The following SUGP1 variants were observed in gnomAD, a reference collection of about 807,000 sequenced individuals.
The protein encoded by SUGP1 is SURP and G-patch domain containing 1.
SUGP1 carries 34 observed loss-of-function variants against 76.5 expected under a neutral mutation model. The observed-to-expected ratio is 0.44, with a 90% confidence interval of 0.34 to 0.59. The LOEUF (loss-of-function observed/expected upper bound fraction) is 0.59, where lower values mean the gene tolerates loss of function less well. Ranked by LOEUF, SUGP1 falls within the 20% of genes least tolerant of loss-of-function variation. The pLI, the probability that SUGP1 is intolerant of heterozygous loss-of-function variation, is 0.01. For synonymous variants in SUGP1, 326 were observed against 326.2 expected, an observed-to-expected ratio of 1.00 and a Z score of 0.01; for missense variants, 752 against 851.7, an observed-to-expected ratio of 0.88 and a Z score of 1.46.
In SUGP1 at chr19:19,279,165, G is replaced by A. The variant is rs1172094393; in HGVS notation, c.1528+48C>T. The A allele has an allele frequency of 3.3e-6, 5 of 1,513,120 alleles. No homozygotes were observed. The East Asian group carries it at 7.1e-5, about 22-fold the overall frequency. 93.7% of individuals were successfully genotyped at this position (1,513,120 alleles called of 1,614,324 possible). Reference sequence around the variant, plus strand: ...CCAGGTAACCTTCCAGGGCAGGTGAGGGGGGCCATGCCCAGCCCAGCCCGG... The same window carrying A: ...CCAGGTAACCTTCCAGGGCAGGTGAAGGGGGCCATGCCCAGCCCAGCCCGG... On this transcript the variant is annotated intron_variant, in intron 10 of 13. Coordinates refer to ENST00000247001, the MANE Select transcript of SUGP1 (RefSeq NM_172231.4).
chr19:19,278,661 G>A, intron 11 of SUGP1, 29 bp downstream of exon 11: 1 of 1,583,250 alleles, frequency 6.3e-7, no homozygotes, highest in Non-Finnish European at 8.6e-7. Context: ...ATGTGGCAGA[G>A]GCTGGAGCTA....
intron 2 of SUGP1, among the ~76,000 whole-genome samples, chr19:19,312,962 C>G (rs1380774493): frequency 6.6e-6 from 1 of 151,364 alleles, no homozygotes; most frequent in East Asian, 1.9e-4. Flanking sequence ...TGCACTCCAG[C>G]CTGGGCAACA....
At position 19,308,568 on chromosome 19, in the gene SUGP1, G is replaced by A. The variant is rs534012612; in HGVS notation, c.310+1529C>T. 2.0e-4 allele frequency among the ~76,000 whole-genome samples: 30 copies of A among 152,356 alleles called. No individual in the cohort carries two copies. In the East Asian group the frequency reaches 5.2e-3, roughly 26 times the overall value. Reference sequence around the variant, plus strand: ...GTCATTGTTGGGTGCCCCCAGCTGCGTGCCCACCCGGCACCTCAGCCGCAG... The same window carrying A: ...GTCATTGTTGGGTGCCCCCAGCTGCATGCCCACCCGGCACCTCAGCCGCAG... On this transcript the variant is annotated intron_variant, in intron 3 of 13. Transcript: ENST00000247001.
At chr19:19,313,878 C>T (rs570324621) in intron 2 of SUGP1, among the ~76,000 whole-genome samples, 12 of 152,206 alleles carry the variant, frequency 7.9e-5, no homozygotes, top group Middle Eastern at 3.4e-3. Context: ...AGACTTATGC[C>T]TGTAATCCTA....
At chr19:19,280,483 G>C in intron 8 of SUGP1, 192 bp from the exon 9 acceptor site, 1 of 583,454 alleles carries the variant, frequency 1.7e-6, no homozygotes, top group South Asian at 2.0e-5. Flanking sequence ...GTGCACCCCC[G>C]CATCTTACGT....
At chr19:19,293,070 C>T (rs1057483916) in intron 8 of SUGP1, among the ~76,000 whole-genome samples, 5 of 151,850 alleles carry the variant, frequency 3.3e-5, no homozygotes, top group Non-Finnish European at 5.9e-5. Flanking sequence ...CCACACCCAG[C>T]TAATTTTTGA....
chr19:19,316,596 G>A lies in SUGP1; in HGVS notation c.35-3C>T, dbSNP rs1443306790. 2.9e-5 allele frequency: 46 copies of A among 1,613,632 alleles called. No homozygotes were observed. Among genetic ancestry groups the A allele is most frequent in the Non-Finnish European group, 3.4e-5 (40 of 1,179,812 alleles). On this transcript the variant is annotated splice_region_variant and splice_polypyrimidine_tract_variant and intron_variant, in intron 1 of 13. Coordinates refer to ENST00000247001, the MANE Select transcript of SUGP1 (RefSeq NM_172231.4). ...CCCAAACCACCGGTTAGCCTTTCCTGGGGAGGGAAAAGGAGTACGTCGGAA... is the reference window on the plus strand; with the variant it reads ...CCCAAACCACCGGTTAGCCTTTCCTAGGGAGGGAAAAGGAGTACGTCGGAA...
At chr19:19,276,707 G>A in intron 13 of SUGP1, 33 bp from the exon 14 acceptor site, 2 of 1,613,982 alleles carry the variant, frequency 1.2e-6, no homozygotes, top group East Asian at 2.2e-5. Context: ...CAGGAGGAGG[G>A]GATTAGCACT....
At chr19:19,313,479 G>A (rs988180516) in intron 2 of SUGP1, among the ~76,000 whole-genome samples, 2 of 152,184 alleles carry the variant, frequency 1.3e-5, no homozygotes, top group Non-Finnish European at 1.5e-5. Flanking sequence ...GGGAGGCCAA[G>A]GTAGGAGGAT....
intron 3 of SUGP1, among the ~76,000 whole-genome samples, chr19:19,307,986 A>C (rs1235619586): frequency 6.6e-6 from 1 of 152,068 alleles, no homozygotes; most frequent in Non-Finnish European, 1.5e-5. Flanking sequence ...TGATTAACAA[A>C]GATCAGAAGT....
intron 7 of SUGP1, 82 bp from the exon 8 acceptor site, chr19:19,297,426 T>TCTGGGCAGGAGCA: frequency 3.2e-4 from 372 of 1,170,012 alleles, no homozygotes; most frequent in Non-Finnish European, 4.0e-4. Context: ...GTTCTGGCCT[T>TCTGGGCAGGAGCA]GTGTGCCCAC....
intron 2 of SUGP1, 169 bp downstream of exon 2, chr19:19,316,253 T>C: frequency 1.2e-6 from 1 of 821,638 alleles, no homozygotes; most frequent in Non-Finnish European, 1.9e-6. Flanking sequence ...ATACCCCTCA[T>C]TTCTCTCTTG....
chr19:19,308,024 ATTCT>A (rs2061329179), intron 3 of SUGP1, among the ~76,000 whole-genome samples: 1 of 152,030 alleles, frequency 6.6e-6, no homozygotes, highest in South Asian at 2.1e-4. Context: ...ACATCTATGA[ATTCT>A]TTTTTGTTTT....
intron 8 of SUGP1, among the ~76,000 whole-genome samples, chr19:19,294,019 G>A (rs929619695): frequency 6.6e-6 from 1 of 150,630 alleles, no homozygotes; most frequent in African/African-American, 2.4e-5. Flanking sequence ...ACCTCATATC[G>A]ACACAAAAAA....
In SUGP1 at chr19:19,297,271, C is replaced by A; in HGVS notation, c.961G>T (p.Ala321Ser). ...QKLEEFRKAK[A>S]SSTGSFTAPD... ...GCTGTGAAGCTGCCTGTGGAGCTGG[C>A]CTTGGCTTTCCGGAACTCCTCCAGC... Residue 321 changes from alanine (A) to serine (S), a missense_variant, in exon 8 of 14, where the codon GCC (alanine) becomes TCC (serine). Ala to Ser is a moderately conservative substitution (Grantham distance 99, BLOSUM62 1). Around this residue, in one of 2 missense-constraint regions of SUGP1, gnomAD observed 620 missense variants for 617.3 expected, o/e 1.00. Coordinates refer to ENST00000247001, the MANE Select transcript of SUGP1 (RefSeq NM_172231.4). 3 of 1,561,520 alleles carry A rather than the reference C, an allele frequency of 1.9e-6. No individual in the cohort carries two copies. The highest frequency in any genetic ancestry group is 8.7e-7 in the Non-Finnish European group (1 of 1,149,234).
chr19:19,306,649 A>G (rs1286336264), intron 3 of SUGP1, among the ~76,000 whole-genome samples: 2 of 152,282 alleles, frequency 1.3e-5, no homozygotes, highest in Non-Finnish European at 2.9e-5. Flanking sequence ...CCCCAAAATC[A>G]GAGACATGGG....
At chr19:19,312,091 A>T (rs996472191) in intron 2 of SUGP1, among the ~76,000 whole-genome samples, 1 of 152,150 alleles carries the variant, frequency 6.6e-6, no homozygotes, top group Non-Finnish European at 1.5e-5. Flanking sequence ...AAAACAAAAA[A>T]TTAGCTGGGT....
chr19:19,283,494 A>G (rs1048273645), intron 8 of SUGP1, among the ~76,000 whole-genome samples: 1 of 150,760 alleles, frequency 6.6e-6, no homozygotes, highest in African/African-American at 2.4e-5. Context: ...TCACTCTGTC[A>G]TCCAGGCTGG....
At chr19:19,300,629 A>G (rs1485891260) in intron 7 of SUGP1, among the ~76,000 whole-genome samples, 1 of 152,154 alleles carries the variant, frequency 6.6e-6, no homozygotes, top group Non-Finnish European at 1.5e-5. Context: ...GGGCTTGAAT[A>G]CCTGGTCGTC....
Sources: allele counts gnomAD v4.1 joint callset (sites outside exome capture counted in the v4.1 genomes callset), GRCh38; gene constraint gnomAD v4.1.1; regional missense constraint gnomAD v4.1.1; transcripts MANE v1.5; gene names NCBI Gene and HGNC (gene_info 2026-07-23, HGNC 2026-07-21).